Variants in CEP290 observed in about 807,000 individuals in gnomAD.
The protein encoded by CEP290 is centrosomal protein of 290 kDa.
CEP290 carries 317 observed loss-of-function variants against 344.9 expected under a neutral mutation model. That is an observed-to-expected ratio of 0.92 (90% CI 0.84 to 1.01). The LOEUF is 1.01. Among genes scored for constraint, CEP290 ranks in the 50% least tolerant of loss-of-function variants. The pLI, the probability that CEP290 is intolerant of heterozygous loss-of-function variation, is 0.00. For synonymous variants in CEP290, 932 were observed against 895.8 expected (o/e 1.04, Z -0.72); for missense variants, 2,754 against 2,761.4 (o/e 1.00, Z 0.06).
chr12:88,092,904 A>T, intron 28 of CEP290, 72 bp from the exon 29 acceptor site: 1 of 1,379,886 alleles, frequency 7.2e-7, no homozygotes, highest in Non-Finnish European at 1.0e-6. Flanking sequence ...TTTAGCTTTT[A>T]AAGTACTGCA....
intron 12 of CEP290, among the ~76,000 whole-genome samples, chr12:88,125,597 T>G: frequency 6.6e-6 from 1 of 151,970 alleles, no homozygotes; most frequent in East Asian, 1.9e-4. Flanking sequence ...CTCTGGAAAA[T>G]AGGATTTCCA....
Position 88,092,738 on chromosome 12 carries a change from C to T in CEP290, c.3404G>A (p.Arg1135Lys). 1 of 1,610,202 alleles carries T rather than the reference C, an allele frequency of 6.2e-7. No homozygotes were observed. The highest frequency in any genetic ancestry group is 8.5e-7 in the Non-Finnish European group (1 of 1,178,354). The change falls in exon 29 of 54, where the codon AGG becomes AAG. Residue 1135 changes from arginine to lysine, a missense_variant. Arg to Lys is a conservative substitution (Grantham distance 26, BLOSUM62 2). Transcript: ENST00000552810. ...SVSKAVSDADRQRILELEKNE... is the reference protein window; with the variant it reads ...SVSKAVSDADKQRILELEKNE... The stretch of plus-strand genomic sequence containing the variant: ...CTTCTCTAATTCTAGAATCCGTTGC[C>T]TATCAGCATCACTTACTGCCTTGCT...
chr12:88,089,584 T>A, intron 30 of CEP290, 97 bp from the exon 31 acceptor site: 2 of 860,434 alleles, frequency 2.3e-6, no homozygotes, highest in African/African-American at 1.7e-5. Flanking sequence ...AGCAAAGTTT[T>A]AACACAGTGG....
chr12:88,104,687 C>T (rs2038143760), intron 25 of CEP290, among the ~76,000 whole-genome samples: 1 of 151,902 alleles, frequency 6.6e-6, no homozygotes. Context: ...AATACTTTGC[C>T]TATACATTCT....
intron 31 of CEP290, among the ~76,000 whole-genome samples, 199 bp from the exon 32 acceptor site, chr12:88,088,143 A>G (rs2036738637): frequency 6.6e-6 from 1 of 152,210 alleles, no homozygotes; most frequent in East Asian, 1.9e-4. Flanking sequence ...GGGATTTTAC[A>G]ATAAAAATCT....
intron 27 of CEP290, among the ~76,000 whole-genome samples, chr12:88,096,565 T>A (rs1161391763): frequency 1.3e-5 from 2 of 152,124 alleles, no homozygotes; most frequent in Non-Finnish European, 2.9e-5. Context: ...TAACTTGCAC[T>A]CAGTGAAAGA....
rs555462587 is a variant in CEP290 at position 88,129,035 on chromosome 12, C to T, written c.853G>A (p.Val285Met). 8.5e-6 allele frequency: 12 copies of T among 1,403,544 alleles called. No individual in the cohort carries two copies. In the African/African-American group the frequency reaches 1.8e-4, roughly 21 times the overall value. 86.9% of individuals were successfully genotyped at this position (1,403,544 alleles called of 1,614,324 possible). The change falls in exon 11 of 54, where the codon GTG becomes ATG. Residue 285 changes from valine (V) to methionine (M), a missense_variant and splice_region_variant. Coordinates refer to ENST00000552810, the MANE Select transcript of CEP290 (RefSeq NM_025114.4). ...KKENDHYQLQ[V>M]QELTDLLKSK... ...TTCAGAAGATCTGTAAGCTCCTGCA[C>T]CTAAAAGACAAAGTTATTTCAAGAG...
At chr12:88,110,574 G>T (rs2038615906) in intron 22 of CEP290, among the ~76,000 whole-genome samples, 1 of 151,806 alleles carries the variant, frequency 6.6e-6, no homozygotes. Flanking sequence ...AATTAGCCAG[G>T]GATGCATGCC....
At chr12:88,119,603 A>T (rs1334305594) in intron 15 of CEP290, among the ~76,000 whole-genome samples, 2 of 152,168 alleles carry the variant, frequency 1.3e-5, no homozygotes, top group African/African-American at 4.8e-5. Flanking sequence ...GTTGGAGACC[A>T]GCCTAGCCAA....
chr12:88,065,753 A>G (rs908795976), intron 44 of CEP290, among the ~76,000 whole-genome samples: 1 of 152,194 alleles, frequency 6.6e-6, no homozygotes, highest in Non-Finnish European at 1.5e-5. Context: ...GATATTTTTA[A>G]CACATTTCTC....
intron 52 of CEP290, among the ~76,000 whole-genome samples, chr12:88,052,367 C>A (rs906314444): frequency 6.6e-6 from 1 of 152,120 alleles, no homozygotes; most frequent in Non-Finnish European, 1.5e-5. Context: ...TGTGCTTATA[C>A]ATGCAATAAT....
At chr12:88,116,756 C>T (rs559787582) in intron 18 of CEP290, among the ~76,000 whole-genome samples, 9 of 152,108 alleles carry the variant, frequency 5.9e-5, no homozygotes, top group Admixed American at 2.6e-4. Context: ...GGGCGGATCA[C>T]GAGGTCAGAA....
At chr12:88,087,481 G>C (rs2036668100) in intron 32 of CEP290, among the ~76,000 whole-genome samples, 1 of 151,984 alleles carries the variant, frequency 6.6e-6, no homozygotes, top group South Asian at 2.1e-4. Flanking sequence ...AGCACTTTGG[G>C]AGGCCGAGGC....
intron 9 of CEP290, 102 bp from the exon 10 acceptor site, chr12:88,129,978 A>G (rs2039966976): frequency 1.3e-6 from 1 of 781,466 alleles, no homozygotes; most frequent in African/African-American, 1.9e-5. Context: ...TCTAGAAAAA[A>G]AGAGAATTCT....
At chr12:88,103,077 T>C in intron 25 of CEP290, 66 bp from the exon 26 acceptor site, 1 of 958,812 alleles carries the variant, frequency 1.0e-6, no homozygotes, top group South Asian at 2.4e-5. Flanking sequence ...CTAGCCACTT[T>C]TGAGAAAGAT....
At position 88,080,323 on chromosome 12, in the gene CEP290, G is replaced by C. The variant is rs747235813; in HGVS notation, c.5085C>G (p.Asp1695Glu). 4 of 1,613,416 alleles carry C rather than the reference G, an allele frequency of 2.5e-6. No individual in the cohort carries two copies. The East Asian group carries it at 8.9e-5, about 36-fold the overall frequency. The change falls in exon 38 of 54, where the codon GAC becomes GAG. Residue 1695 changes from aspartate (D) to glutamate (E), a missense_variant. Transcript: ENST00000552810. ...AEVEDLKYLL[D>E]QSQKESQCLK... is the part of the protein sequence containing the mutation. ...AACACTGTGACTCCTTTTGTGACTG[G>C]TCCAGAAGATACTTTAAATCCTCTA... is the stretch of plus-strand genomic sequence containing the variant.
Position 88,084,610 on chromosome 12 carries a change from T to G in CEP290, c.4680A>C (p.Gln1560His). ...CCTCTCTGGCTTTTTCTAGAAGACG[T>G]TGATACTTCTTTAATACTTCTTCTT... ...NQKEEVLKKY[Q>H]RLLEKAREEQ... is the part of the protein sequence containing the mutation. Residue 1560 changes from glutamine to histidine, a missense_variant, in exon 35 of 54, where the codon CAA becomes CAC. Transcript: ENST00000552810. 1 of 1,612,248 alleles carries G rather than the reference T, an allele frequency of 6.2e-7. No individual in the cohort carries two copies. Among genetic ancestry groups the G allele is most frequent in the Non-Finnish European group, 8.5e-7 (1 of 1,178,534 alleles).
chr12:88,054,479 C>T (rs1450257085), intron 50 of CEP290, 66 bp from the exon 51 acceptor site: 2 of 1,229,018 alleles, frequency 1.6e-6, no homozygotes, highest in African/African-American at 3.0e-5. Context: ...TATAAAGATA[C>T]ACATTTTTAA....
At chr12:88,084,052 C>T (rs2036389457) in intron 35 of CEP290, 98 bp from the exon 36 acceptor site, 1 of 755,764 alleles carries the variant, frequency 1.3e-6, no homozygotes, top group Non-Finnish European at 2.2e-6. Flanking sequence ...TTCTAAAATT[C>T]CTTTGAGATG....
Sources: gnomAD v4.1 joint callset for allele counts (sites outside exome capture counted in the v4.1 genomes callset) on GRCh38, gnomAD v4.1.1 for gene constraint, MANE v1.5 for transcripts, NCBI Gene and HGNC (gene_info 2026-07-23, HGNC 2026-07-21) for gene names.